The following ITPR2 variants were observed in gnomAD, a reference collection of about 807,000 sequenced individuals.
The protein encoded by ITPR2 is inositol 1,4,5-trisphosphate receptor type 2, also known as inositol 1,4,5-trisphosphate-gated calcium channel ITPR2.
Under a neutral mutation model 317.1 loss-of-function variants are expected in ITPR2, and 207 were observed. The ratio of observed to expected loss-of-function variants is 0.65; its 90% confidence interval spans 0.58 to 0.73. The LOEUF is 0.73. ITPR2 is among the 30% of genes least tolerant of loss of function. ITPR2 has a pLI of 0.00. For synonymous variants in ITPR2, 1,156 were observed against 1,149.1 expected (o/e 1.01, Z -0.12); for missense variants, 2,613 against 3,284.0 (o/e 0.80, Z 4.99).
chr12:26,430,752 G>A lies in ITPR2; in HGVS notation c.6770-2664C>T, dbSNP rs151155117. Among the ~76,000 whole-genome samples the A allele has an allele frequency of 7.0e-3, 1,059 of 152,212 alleles. 5 individuals are homozygous for A. The highest frequency in any genetic ancestry group is 0.01 in the Middle Eastern group (3 of 294). On this transcript the variant is annotated intron_variant, in intron 48 of 56. Transcript: ENST00000381340. ...TTAGAAAGTATGAAGTTTATCTTTTGTAAAAGAAAATTCAGAAAGCAAAAT... is the reference window on the plus strand; with the variant it reads ...TTAGAAAGTATGAAGTTTATCTTTTATAAAAGAAAATTCAGAAAGCAAAAT...
intron 37 of ITPR2, among the ~76,000 whole-genome samples, chr12:26,520,506 C>G (rs1431522433): frequency 1.3e-5 from 2 of 152,180 alleles, no homozygotes; most frequent in Non-Finnish European, 2.9e-5. Flanking sequence ...ACACGCCTTT[C>G]CCTCAGAAAT....
chr12:26,451,166 C>T (rs968278366), intron 45 of ITPR2, among the ~76,000 whole-genome samples: 3 of 152,096 alleles, frequency 2.0e-5, no homozygotes, highest in African/African-American at 4.8e-5. Context: ...AAAGAAAGCA[C>T]AACCAAGAGG....
intron 52 of ITPR2, among the ~76,000 whole-genome samples, chr12:26,409,491 T>C (rs570323329): frequency 2.1e-4 from 32 of 152,318 alleles, no homozygotes; most frequent in Admixed American, 7.8e-4. Flanking sequence ...TATGCATTTC[T>C]GGCACCCTTA....
chr12:26,575,815 T>C (rs1223740177), intron 34 of ITPR2, among the ~76,000 whole-genome samples: 1 of 152,168 alleles, frequency 6.6e-6, no homozygotes, highest in Admixed American at 6.5e-5. Context: ...ACACAATGAG[T>C]ATCACTGAAG....
intron 13 of ITPR2, among the ~76,000 whole-genome samples, chr12:26,672,244 T>C (rs1240957082): frequency 6.6e-6 from 1 of 150,780 alleles, no homozygotes; most frequent in Admixed American, 6.6e-5. Flanking sequence ...CAACAGAATA[T>C]ACATTGTTTT....
intron 37 of ITPR2, among the ~76,000 whole-genome samples, chr12:26,536,867 G>A (rs1363951806): frequency 1.3e-5 from 2 of 152,210 alleles, no homozygotes; most frequent in African/African-American, 4.8e-5. Context: ...TATAGTTGGA[G>A]GGTCTTAACT....
intron 2 of ITPR2, among the ~76,000 whole-genome samples, chr12:26,738,477 C>T (rs1050176225): frequency 1.3e-5 from 2 of 152,082 alleles, no homozygotes; most frequent in Non-Finnish European, 2.9e-5. Flanking sequence ...GTGTTCTTCT[C>T]TTGGCATTTT....
chr12:26,701,576 A>G (rs1236325415), intron 9 of ITPR2, among the ~76,000 whole-genome samples: 1 of 152,194 alleles, frequency 6.6e-6, no homozygotes, highest in Non-Finnish European at 1.5e-5. Context: ...TCTGGTCTGT[A>G]TGTTAGTCTG....
chr12:26,765,708 T>C (rs1305051258), intron 2 of ITPR2, among the ~76,000 whole-genome samples: 1 of 152,178 alleles, frequency 6.6e-6, no homozygotes, highest in Non-Finnish European at 1.5e-5. Flanking sequence ...ATTTTTACTA[T>C]ATTCACAGTT....
rs748590329 is a variant in ITPR2, at chr12:26,336,078, C to CT, written c.*3318dup. ...CATCATGATGCCTGTGCAATATTTA[C>CT]TTGCTTACGTCCAATCTACTGGGTC... is the stretch of plus-strand genomic sequence containing the variant. On this transcript the variant is annotated 3_prime_UTR_variant, in exon 57 of 57. Coordinates refer to ENST00000381340, the MANE Select transcript of ITPR2 (RefSeq NM_002223.4). 2.8e-4 allele frequency among the ~76,000 whole-genome samples: 42 copies of CT among 152,190 alleles called. No individual in the cohort carries two copies. The highest frequency in any genetic ancestry group is 1.2e-3 in the Admixed American group (18 of 15,274).
At chr12:26,382,055 GAGAAGCAAAGGGGCTTAGTGATGCTCAA>G (rs1939525359) in intron 55 of ITPR2, among the ~76,000 whole-genome samples, 1 of 152,126 alleles carries the variant, frequency 6.6e-6, no homozygotes, top group South Asian at 2.1e-4. Flanking sequence ...TGCTTAATGG[GAGAAGCAAAGGGGCTTAGTGATGCTCAA>G]AGGCCATTAT....
intron 37 of ITPR2, among the ~76,000 whole-genome samples, chr12:26,527,289 C>T (rs886064065): frequency 6.6e-6 from 1 of 152,208 alleles, no homozygotes; most frequent in Non-Finnish European, 1.5e-5. Flanking sequence ...ACTTATACTT[C>T]TTGGTGTGTC....
chr12:26,475,464 G>T (rs1162833153), intron 44 of ITPR2, 46 bp from the exon 45 acceptor site: 3 of 1,583,558 alleles, frequency 1.9e-6, no homozygotes, highest in Non-Finnish European at 2.6e-6. Flanking sequence ...AACAACATCT[G>T]CTTTATATTT....
intron 2 of ITPR2, among the ~76,000 whole-genome samples, chr12:26,766,014 A>G (rs1949713229): frequency 6.6e-6 from 1 of 152,144 alleles, no homozygotes; most frequent in South Asian, 2.1e-4. Flanking sequence ...CACTGTAGGG[A>G]TATATCGTAT....
intron 15 of ITPR2, among the ~76,000 whole-genome samples, chr12:26,662,064 C>T (rs980160364): frequency 1.7e-4 from 26 of 152,156 alleles, no homozygotes; most frequent in Non-Finnish European, 3.8e-4. Context: ...TCACCCCTAG[C>T]TCTTACTCCT....
At chr12:26,804,200 T>C (rs1950604639) in intron 1 of ITPR2, among the ~76,000 whole-genome samples, 2 of 152,094 alleles carry the variant, frequency 1.3e-5, no homozygotes, top group Admixed American at 1.3e-4. Context: ...ACGTTTAACA[T>C]TGGCTAAATG....
At chr12:26,572,753 T>C (rs899708635) in intron 34 of ITPR2, among the ~76,000 whole-genome samples, 2 of 152,198 alleles carry the variant, frequency 1.3e-5, no homozygotes, top group East Asian at 3.8e-4. Flanking sequence ...TGGTCTGACT[T>C]AACCTAAATT....
intron 1 of ITPR2, among the ~76,000 whole-genome samples, chr12:26,817,999 T>C (rs1950887450): frequency 1.3e-5 from 2 of 152,178 alleles, no homozygotes; most frequent in African/African-American, 4.8e-5. Context: ...ATTACTTCTA[T>C]TAGTATGGAA....
At chr12:26,365,162 T>C (rs889248656) in intron 55 of ITPR2, among the ~76,000 whole-genome samples, 1 of 152,162 alleles carries the variant, frequency 6.6e-6, no homozygotes, top group Admixed American at 6.5e-5. Context: ...AACTGGAAAC[T>C]CTAGGCAAGT....
Sources: gnomAD v4.1 joint callset for allele counts (sites outside exome capture counted in the v4.1 genomes callset) on GRCh38, gnomAD v4.1.1 for gene constraint, MANE v1.5 for transcripts, NCBI Gene and HGNC (gene_info 2026-07-23, HGNC 2026-07-21) for gene names.